Variants in C9orf72 observed in about 807,000 individuals in gnomAD.
C9orf72 encodes the protein guanine nucleotide exchange factor C9orf72.
C9orf72 carries 44 observed loss-of-function variants against 51.6 expected under a neutral mutation model. The observed-to-expected ratio is 0.85, with a 90% CI of 0.67 to 1.10. The LOEUF (loss-of-function observed/expected upper bound fraction) is 1.10, where lower values mean the gene tolerates loss of function less well. C9orf72 is among the 50% of genes least tolerant of loss of function. The pLI is 0.00. For synonymous variants in C9orf72, 213 were observed against 194.2 expected, an observed-to-expected ratio of 1.10 and a Z score of -0.81; for missense variants, 607 against 570.6, an observed-to-expected ratio of 1.06 and a Z score of -0.65.
At chr9:27,567,197 T>C in intron 1 of C9orf72, 33 bp from the exon 2 acceptor site, 1 of 1,269,892 alleles carries the variant, frequency 7.9e-7, no homozygotes, top group Non-Finnish European at 1.1e-6. Context: ...AATGATTAGG[T>C]TCAGCAATTT....
chr9:27,572,814 G>C (rs759775466), intron 1 of C9orf72, among the ~76,000 whole-genome samples: 1 of 152,220 alleles, frequency 6.6e-6, no homozygotes, highest in African/African-American at 2.4e-5. Flanking sequence ...CTTTAAGCAA[G>C]TCTGTGTCAT....
In C9orf72 at chr9:27,550,727, GAAGAA is replaced by G; in HGVS notation, c.1092-25_1092-21del. Reference sequence around the variant, plus strand: ...ATATTCCTGAAGAAAAGAAGAAAATGAAGAAAAGAAAAAAGTTCAAATGTTGAAAT... The same window carrying G: ...ATATTCCTGAAGAAAAGAAGAAAATGAAGAAAAAAGTTCAAATGTTGAAAT... On this transcript the variant is annotated intron_variant, in intron 8 of 10. Coordinates refer to ENST00000380003, the MANE Select transcript of C9orf72 (RefSeq NM_018325.5). 1.5e-5 allele frequency: 23 copies of G among 1,498,882 alleles called. No homozygotes were observed. The highest frequency in any genetic ancestry group is 2.0e-5 in the Non-Finnish European group (22 of 1,094,456). The allele number at this position is 1,498,882 out of a possible 1,614,324, so 92.8% of individuals were successfully genotyped here. A position where few individuals can be genotyped will look rare whatever the true frequency, so the allele number is the denominator to read the frequency against.
chr9:27,554,822 A>AT (rs2131532549), intron 8 of C9orf72, among the ~76,000 whole-genome samples: 1 of 152,338 alleles, frequency 6.6e-6, no homozygotes, highest in South Asian at 2.1e-4. Context: ...TTTTTGGACA[A>AT]TTTTATGTTT....
rs2131525921 is a variant in C9orf72 at position 27,547,934 on chromosome 9, CAGT to C, written c.*299_*301del. 1 of 187,688 alleles carries C rather than the reference CAGT, an allele frequency of 5.3e-6. No homozygotes were observed. Among genetic ancestry groups the C allele is most frequent in the Non-Finnish European group, 1.1e-5 (1 of 91,754 alleles). 11.6% of individuals were successfully genotyped at this position (187,688 alleles called of 1,614,324 possible). ...CCATGAATCATGTATTTCAAAAAAA[CAGT>C]AGTTGTGGTCAAGTTTACATCCTAT... On this transcript the variant is annotated 3_prime_UTR_variant, in exon 11 of 11. Coordinates refer to ENST00000380003, the MANE Select transcript of C9orf72 (RefSeq NM_018325.5).
chr9:27,562,667 CTTTCT>C (rs1282743666), intron 3 of C9orf72, among the ~76,000 whole-genome samples, 191 bp from the exon 4 acceptor site: 4 of 146,980 alleles, frequency 2.7e-5, no homozygotes, highest in African/African-American at 1.0e-4. Flanking sequence ...CACTTTTATT[CTTTCT>C]TTTCTTTTTT....
chr9:27,558,173 T>G (rs969123628), intron 7 of C9orf72, among the ~76,000 whole-genome samples: 2 of 151,236 alleles, frequency 1.3e-5, no homozygotes, highest in African/African-American at 4.8e-5. Flanking sequence ...TCAAATCTAT[T>G]TAGTTAAAAA....
rs1820784264 is a variant in C9orf72 at position 27,547,102 on chromosome 9, A to C, written c.*1134T>G. The C allele has an allele frequency of 6.6e-6, 1 of 152,626 alleles. No individual in the cohort carries two copies. The highest frequency in any genetic ancestry group is 6.5e-5 in the Admixed American group (1 of 15,278). The allele number at this position is 152,626 out of a possible 1,614,324, so 9.5% of individuals were successfully genotyped here. Reference sequence around the variant, plus strand: ...GGTCCAAACGCATTAAGAAAACAAAAGATAACTTAGCTCTGCCAAAGTAGC... The same window carrying C: ...GGTCCAAACGCATTAAGAAAACAAACGATAACTTAGCTCTGCCAAAGTAGC... On this transcript the variant is annotated 3_prime_UTR_variant, in exon 11 of 11. Coordinates refer to ENST00000380003, the MANE Select transcript of C9orf72 (RefSeq NM_018325.5).
intron 8 of C9orf72, chr9:27,554,480 C>T (rs1370906025): frequency 7.6e-6 from 3 of 397,186 alleles, no homozygotes; most frequent in African/African-American, 6.2e-5. Flanking sequence ...ACACCAGGGC[C>T]TACTTGAGGG....
At chr9:27,568,178 C>G in intron 1 of C9orf72, among the ~76,000 whole-genome samples, 1 of 150,078 alleles carries the variant, frequency 6.7e-6, no homozygotes, top group Non-Finnish European at 1.5e-5. Flanking sequence ...TCAGTGAACT[C>G]TCTGGTTATG....
intron 1 of C9orf72, among the ~76,000 whole-genome samples, chr9:27,567,860 A>G (rs1819503399): frequency 6.6e-6 from 1 of 152,138 alleles, no homozygotes. Flanking sequence ...AGGAACACTC[A>G]GGATTGCTGG....
rs11292923 is a variant in C9orf72, at chr9:27,548,435, G to GAAAAAAAAAAAAAAAAAAAAAAAAAAA, written c.1260-14_1260-13insTTTTTTTTTTTTTTTTTTTTTTTTTTT. The GAAAAAAAAAAAAAAAAAAAAAAAAAAA allele has an allele frequency of 1.7e-5, 3 of 174,902 alleles. No individual in the cohort carries two copies. The highest frequency in any genetic ancestry group is 1.1e-4 in the Admixed American group (1 of 8,752). 10.8% of individuals were successfully genotyped at this position (174,902 alleles called of 1,614,324 possible). A position where few individuals can be genotyped will look rare whatever the true frequency, so the allele number is the denominator to read the frequency against. On this transcript the variant is annotated splice_polypyrimidine_tract_variant and intron_variant, in intron 10 of 10. Transcript: ENST00000380003. The stretch of plus-strand genomic sequence containing the variant: ...TTTTCCCTTCTGCCTAAAAATAATG[G>GAAAAAAAAAAAAAAAAAAAAAAAAAAA]AAAAAAAAAAAAAAAAAAAAAAAAA...
At chr9:27,573,063 C>T (rs1205484330) in intron 1 of C9orf72, among the ~76,000 whole-genome samples, 2 of 152,154 alleles carry the variant, frequency 1.3e-5, no homozygotes, top group African/African-American at 2.4e-5. Flanking sequence ...TCCGGCCTTC[C>T]CCCAGGCGAG....
Position 27,556,811 on chromosome 9 carries a change from G to A in C9orf72, c.856-15C>T, listed in dbSNP as rs899862824. ...CCAGTTGAATCCTGTCAAAATAAAA[G>A]GAAAATTTACTGTCTTACATGCCAA... On this transcript the variant is annotated splice_polypyrimidine_tract_variant and intron_variant, in intron 7 of 10. Transcript: ENST00000380003. The A allele has an allele frequency of 1.3e-6, 2 of 1,558,610 alleles. No homozygotes were observed. The highest frequency in any genetic ancestry group is 1.4e-5 in the African/African-American group (1 of 73,834).
At chr9:27,558,415 T>G (rs1221606428) in intron 7 of C9orf72, 76 bp downstream of exon 7, 3 of 806,718 alleles carry the variant, frequency 3.7e-6, no homozygotes, top group Non-Finnish European at 6.3e-6. Context: ...AATGCTAATA[T>G]TTAAGATTTG....
intron 5 of C9orf72, 157 bp downstream of exon 5, chr9:27,561,428 G>A (rs1819343709): frequency 1.4e-6 from 2 of 1,408,434 alleles, no homozygotes; most frequent in Non-Finnish European, 1.8e-6. Context: ...TATAATGAGT[G>A]AAAAATAACA....
chr9:27,556,337 A>G, intron 8 of C9orf72: 1 of 571,158 alleles, frequency 1.8e-6, no homozygotes, highest in Non-Finnish European at 3.1e-6. Flanking sequence ...CAAATAGTTA[A>G]ATATTTACTT....
intron 7 of C9orf72, among the ~76,000 whole-genome samples, chr9:27,557,420 A>AT (rs1819229617): frequency 6.6e-6 from 1 of 152,132 alleles, no homozygotes; most frequent in African/African-American, 2.4e-5. Context: ...GGCTATTTCC[A>AT]TTTTTTTACT....
intron 1 of C9orf72, among the ~76,000 whole-genome samples, chr9:27,568,936 G>A (rs929584029): frequency 9.2e-5 from 14 of 151,840 alleles, no homozygotes; most frequent in African/African-American, 3.4e-4. Flanking sequence ...CTACATGTGT[G>A]TTATTGCCCC....
intron 3 of C9orf72, among the ~76,000 whole-genome samples, chr9:27,562,904 T>C (rs1819385560): frequency 6.6e-6 from 1 of 152,022 alleles, no homozygotes; most frequent in Non-Finnish European, 1.5e-5. Flanking sequence ...TTTCTGACCA[T>C]GCCCGGCCCT....
Sources: gnomAD v4.1 joint callset for allele counts (sites outside exome capture counted in the v4.1 genomes callset) on GRCh38, gnomAD v4.1.1 for gene constraint, MANE v1.5 for transcripts, NCBI Gene and HGNC (gene_info 2026-07-23, HGNC 2026-07-21) for gene names.